FOCAD: variants seen among roughly 807,000 people sequenced by gnomAD.
FOCAD encodes KIAA1797.
FOCAD carries 198 observed loss-of-function variants against 225.6 expected under a neutral mutation model. That is an observed-to-expected ratio of 0.88 (90% CI 0.78 to 0.99). The LOEUF (loss-of-function observed/expected upper bound fraction) is 0.99, where lower values mean the gene tolerates loss of function less well. Among genes scored for constraint, FOCAD ranks in the 50% least tolerant of loss-of-function variants. The pLI is 0.00. For missense variants in FOCAD, 2,713 were observed against 2,123.6 expected (o/e 1.28, Z -5.46); for synonymous variants, 897 against 755.0 (o/e 1.19, Z -3.08).
chr9:20,892,082 T>A lies in FOCAD; in HGVS notation c.2625+6852T>A, dbSNP rs370969929. 6.5e-4 allele frequency among the ~76,000 whole-genome samples: 99 copies of A among 152,312 alleles called. 3 individuals are homozygous for A. The South Asian group carries it at 0.02, about 30-fold the overall frequency. On this transcript the variant is annotated intron_variant, in intron 21 of 43. Transcript: ENST00000338382. ...ACAGCATATCTGTTTATACATGGTTTACTGAATATTTTAATCCCACATTAA... is the reference window on the plus strand; with the variant it reads ...ACAGCATATCTGTTTATACATGGTTAACTGAATATTTTAATCCCACATTAA...
intron 18 of FOCAD, among the ~76,000 whole-genome samples, chr9:20,872,637 G>T (rs527841206): frequency 1.1e-4 from 15 of 140,754 alleles, no homozygotes; most frequent in East Asian, 6.3e-4. Flanking sequence ...TTTCTTTCTT[G>T]CTTGCTTGCT....
At position 20,951,054 on chromosome 9, in the gene FOCAD, A is replaced by G; in HGVS notation, c.4007A>G (p.His1336Arg). 6.2e-7 allele frequency: 1 copy of G among 1,613,630 alleles called. No homozygotes were observed. The change falls in exon 34 of 44, where the codon CAT becomes CGT. Residue 1336 changes from histidine to arginine, a missense_variant. Transcript: ENST00000338382. ...TCAAATGCAGTCTGGCTTCTTGGAC[A>G]TCTTCATCTATCTACTCTATCCTCA... Reference protein sequence around the residue: ...LQSNAVWLLGHLHLSTLSSSQ... With the variant: ...LQSNAVWLLGRLHLSTLSSSQ...
chr9:20,709,392 G>A (rs1305115868), intron 1 of FOCAD, among the ~76,000 whole-genome samples: 1 of 150,438 alleles, frequency 6.6e-6, no homozygotes, highest in Non-Finnish European at 1.5e-5. Flanking sequence ...ATGACAAGAA[G>A]TAATATATAA....
At chr9:20,784,754 A>G (rs568567117) in intron 10 of FOCAD, among the ~76,000 whole-genome samples, 1 of 152,328 alleles carries the variant, frequency 6.6e-6, no homozygotes, top group East Asian at 1.9e-4. Flanking sequence ...TTGAAGTAGT[A>G]TATAGTAAGC....
chr9:20,781,688 T>C, intron 9 of FOCAD, 39 bp from the exon 10 acceptor site: 1 of 1,586,520 alleles, frequency 6.3e-7, no homozygotes, highest in Non-Finnish European at 8.6e-7. Flanking sequence ...GACTGTGGTA[T>C]TAATTTTTAA....
At chr9:20,950,150 TTA>T (rs1457825339) in intron 33 of FOCAD, among the ~76,000 whole-genome samples, 1 of 152,078 alleles carries the variant, frequency 6.6e-6, no homozygotes, top group Non-Finnish European at 1.5e-5. Context: ...AAAAAAAAGA[TTA>T]TGTTTGTTGC....
intron 11 of FOCAD, among the ~76,000 whole-genome samples, chr9:20,797,197 C>A (rs1217046399): frequency 6.6e-6 from 1 of 152,130 alleles, no homozygotes; most frequent in Non-Finnish European, 1.5e-5. Flanking sequence ...GGTACCAGTA[C>A]CATGCTGTTT....
At chr9:20,699,580 A>G (rs1202465660) in intron 1 of FOCAD, among the ~76,000 whole-genome samples, 1 of 150,284 alleles carries the variant, frequency 6.7e-6, no homozygotes, top group Non-Finnish European at 1.5e-5. Context: ...TCTCTACTAA[A>G]AATACAGATA....
Position 20,993,238 on chromosome 9 carries a change from T to C in FOCAD, c.5257-15T>C. 1 of 1,608,504 alleles carries C rather than the reference T, an allele frequency of 6.2e-7. No homozygotes were observed. On this transcript the variant is annotated splice_polypyrimidine_tract_variant and intron_variant, in intron 42 of 43. Coordinates refer to ENST00000338382, the MANE Select transcript of FOCAD (RefSeq NM_001375567.1). ...GGATTCTCTTCTTTGACACTATTTT[T>C]CATTTTTACCCTAGTTCATTGACTG... is the stretch of plus-strand genomic sequence containing the variant.
chr9:20,764,870 T>A lies in FOCAD; in HGVS notation c.496T>A (p.Leu166Ile). ...TAFFQQCPER[L>I]EVSCIQIMAP... ...GCTAATGTATTTCATGTCTTATAGG[T>A]TAGAAGTTTCATGCATTCAAATAAT... Residue 166 changes from leucine to isoleucine, a missense_variant and splice_region_variant, in exon 7 of 44, where the codon TTA (leucine) becomes ATA (isoleucine). Coordinates refer to ENST00000338382, the MANE Select transcript of FOCAD (RefSeq NM_001375567.1). The A allele has an allele frequency of 6.2e-7, 1 of 1,613,012 alleles. No individual in the cohort carries two copies. The highest frequency in any genetic ancestry group is 8.5e-7 in the Non-Finnish European group (1 of 1,179,276).
At chr9:20,790,096 A>G (rs1345698916) in intron 11 of FOCAD, among the ~76,000 whole-genome samples, 1 of 152,176 alleles carries the variant, frequency 6.6e-6, no homozygotes, top group Non-Finnish European at 1.5e-5. Context: ...ACTCTTTGCT[A>G]TATATGGTAC....
At chr9:20,660,929 C>T (rs1031571716) in intron 2 of FOCAD, among the ~76,000 whole-genome samples, 4 of 152,040 alleles carry the variant, frequency 2.6e-5, no homozygotes, top group Admixed American at 2.0e-4. Flanking sequence ...ATTATGGGGA[C>T]ATTCCATGAC....
In FOCAD at chr9:20,881,961, G is replaced by C; in HGVS notation, c.2408G>C (p.Arg803Pro). The C allele has an allele frequency of 6.2e-7, 1 of 1,613,884 alleles. No individual in the cohort carries two copies. Among genetic ancestry groups the C allele is most frequent in the Non-Finnish European group, 8.5e-7 (1 of 1,179,864 alleles). Residue 803 changes from arginine to proline, a missense_variant, in exon 20 of 44, where the codon CGC (arginine) becomes CCC (proline). Coordinates refer to ENST00000338382, the MANE Select transcript of FOCAD (RefSeq NM_001375567.1). ...IYHSALKGGA[R>P]SDQGKTVAGI... ...CACTCTGCATTAAAAGGAGGTGCCCGCTCAGACCAAGGAAAGACTGTAGCA... is the reference window on the plus strand; with the variant it reads ...CACTCTGCATTAAAAGGAGGTGCCCCCTCAGACCAAGGAAAGACTGTAGCA...
intron 41 of FOCAD, among the ~76,000 whole-genome samples, chr9:20,989,674 A>G (rs989432663): frequency 5.3e-5 from 8 of 152,350 alleles, no homozygotes; most frequent in Non-Finnish European, 1.0e-4. Context: ...TTTAAAAAAA[A>G]TGAAGAAAGA....
chr9:20,772,980 G>T (rs925433863), intron 8 of FOCAD, among the ~76,000 whole-genome samples: 3 of 37,646 alleles, frequency 8.0e-5, no homozygotes, highest in African/African-American at 2.0e-4. Flanking sequence ...GTATATAAAT[G>T]CATATATAGA....
chr9:20,937,216 T>G (rs548106700), intron 28 of FOCAD, among the ~76,000 whole-genome samples: 2,565 of 150,810 alleles, frequency 0.017, 29 homozygotes, highest in Non-Finnish European at 0.027. Context: ...TTCACAGAAT[T>G]GGAAAAAACT....
intron 4 of FOCAD, among the ~76,000 whole-genome samples, chr9:20,732,188 T>A (rs534926056): frequency 6.6e-6 from 1 of 152,322 alleles, no homozygotes; most frequent in South Asian, 2.1e-4. Flanking sequence ...GCACTCATGA[T>A]GCTTTTGGTT....
At chr9:20,791,856 C>T (rs1284644093) in intron 11 of FOCAD, among the ~76,000 whole-genome samples, 5 of 152,142 alleles carry the variant, frequency 3.3e-5, no homozygotes, top group African/African-American at 1.2e-4. Context: ...GTGTACTCAT[C>T]ATAGAAGTGG....
chr9:20,986,990 T>C (rs933378053), intron 40 of FOCAD, among the ~76,000 whole-genome samples: 1 of 152,200 alleles, frequency 6.6e-6, no homozygotes, highest in African/African-American at 2.4e-5. Context: ...TTAGACGTTA[T>C]GCTTTAATAA....
Sources: gnomAD v4.1 joint callset for allele counts (sites outside exome capture counted in the v4.1 genomes callset) on GRCh38, gnomAD v4.1.1 for gene constraint, MANE v1.5 for transcripts, NCBI Gene and HGNC (gene_info 2026-07-23, HGNC 2026-07-21) for gene names.